Variants in RAPGEF6 observed in about 807,000 individuals in gnomAD.
RAPGEF6 encodes the protein Rap guanine nucleotide exchange factor 6.
A neutral mutation model predicts 171.4 loss-of-function variants in RAPGEF6; 56 were observed. That is an observed-to-expected ratio of 0.33 (90% CI 0.26 to 0.41). The LOEUF (loss-of-function observed/expected upper bound fraction) is 0.41, where lower values mean the gene tolerates loss of function less well. Among genes scored for constraint, RAPGEF6 ranks in the 10% least tolerant of loss-of-function variants. The pLI, the probability that RAPGEF6 is intolerant of heterozygous loss-of-function variation, is 1.00. For missense variants in RAPGEF6, 1,674 were observed against 1,921.4 expected, an observed-to-expected ratio of 0.87 and a Z score of 2.41; for synonymous variants, 692 against 650.1, an observed-to-expected ratio of 1.06 and a Z score of -0.98.
rs1241736559 is a variant in RAPGEF6, at chr5:131,453,087, G to A, written c.3167C>T (p.Ala1056Val). 3.1e-6 allele frequency: 5 copies of A among 1,613,852 alleles called. No homozygotes were observed. The highest frequency in any genetic ancestry group is 3.4e-6 in the Non-Finnish European group (4 of 1,179,962). Residue 1056 changes from alanine (A) to valine (V), a missense_variant, in exon 21 of 28, where the codon GCT (alanine) becomes GTT (valine). Physicochemically the swap from Ala to Val is moderately conservative, Grantham distance 64 (BLOSUM62 0). Coordinates refer to ENST00000509018, the MANE Select transcript of RAPGEF6 (RefSeq NM_016340.6). ...EIRQVVRMTS[A>V]NMDPAMMFRQ... ...AAACATCATAGCTGGGTCCATGTTA[G>A]CAGAAGTCATTCGAACAACTTGGCG... is the stretch of plus-strand genomic sequence containing the variant.
At chr5:131,610,705 C>G (rs941740303) in intron 1 of RAPGEF6, among the ~76,000 whole-genome samples, 2 of 152,150 alleles carry the variant, frequency 1.3e-5, no homozygotes, top group East Asian at 3.9e-4. Flanking sequence ...GTTGCAACCC[C>G]GAGATCAACC....
At position 131,537,982 on chromosome 5, in the gene RAPGEF6, A is replaced by C. The variant is rs955384205; in HGVS notation, c.495+10065T>G. On this transcript the variant is annotated intron_variant, in intron 6 of 27. Transcript: ENST00000509018. ...GAGGCATGTGCCTATAATCCCAGCT[A>C]CTCAGGAGGCTGAGGTGAGAGGATC... Among the ~76,000 whole-genome samples, 4 of 152,244 alleles carry C rather than the reference A, an allele frequency of 2.6e-5. No individual in the cohort carries two copies. The East Asian group carries it at 7.7e-4, about 29-fold the overall frequency.
At chr5:131,468,463 G>A (rs1754527013) in intron 17 of RAPGEF6, among the ~76,000 whole-genome samples, 1 of 151,292 alleles carries the variant, frequency 6.6e-6, no homozygotes, top group Non-Finnish European at 1.5e-5. Flanking sequence ...GAAGTTTCTA[G>A]AGAGCTAATT....
chr5:131,514,288 TA>T (rs1372563222), intron 7 of RAPGEF6, among the ~76,000 whole-genome samples: 2 of 152,108 alleles, frequency 1.3e-5, no homozygotes, highest in Admixed American at 6.5e-5. Context: ...ACTCCTTGAT[TA>T]AACAAAGGAA....
intron 4 of RAPGEF6, among the ~76,000 whole-genome samples, chr5:131,577,325 CA>C (rs1762665333): frequency 6.6e-6 from 1 of 152,186 alleles, no homozygotes; most frequent in Non-Finnish European, 1.5e-5. Context: ...AACACCTCAC[CA>C]AACTCAGCCT....
Position 131,602,192 on chromosome 5 carries a change from T to C in RAPGEF6, c.197+1079A>G, listed in dbSNP as rs190193992. Reference sequence around the variant, plus strand: ...AGATGATTTCATCATGCTAACATCATAGAGTGTACTTAACACAAACCTAGA... The same window carrying C: ...AGATGATTTCATCATGCTAACATCACAGAGTGTACTTAACACAAACCTAGA... On this transcript the variant is annotated intron_variant, in intron 3 of 27. Coordinates refer to ENST00000509018, the MANE Select transcript of RAPGEF6 (RefSeq NM_016340.6). Among the ~76,000 whole-genome samples the C allele has an allele frequency of 1.1e-3, 162 of 152,348 alleles. 1 individual carries two copies. Among genetic ancestry groups the C allele is most frequent in the Admixed American group, 4.6e-4 (7 of 15,306 alleles).
intron 20 of RAPGEF6, among the ~76,000 whole-genome samples, chr5:131,453,677 T>TA (rs1243579938): frequency 6.6e-6 from 1 of 152,148 alleles, no homozygotes; most frequent in Non-Finnish European, 1.5e-5. Flanking sequence ...CACTTGTCTA[T>TA]AACATAGCAT....
chr5:131,435,984 C>G, intron 24 of RAPGEF6: 1 of 1,535,722 alleles, frequency 6.5e-7, no homozygotes. Flanking sequence ...ACTTGAATCG[C>G]GTATAGAAGC....
At chr5:131,504,489 C>T (rs1757223036) in intron 11 of RAPGEF6, 137 bp downstream of exon 11, 2 of 927,300 alleles carry the variant, frequency 2.2e-6, no homozygotes, top group African/African-American at 1.7e-5. Flanking sequence ...TAGAGAAAGA[C>T]AAAGAGTCAA....
intron 4 of RAPGEF6, among the ~76,000 whole-genome samples, chr5:131,567,913 A>C (rs1177719517): frequency 6.6e-6 from 1 of 152,204 alleles, no homozygotes; most frequent in East Asian, 1.9e-4. Context: ...ATGTATTCCT[A>C]ATGTATTAAT....
chr5:131,569,903 G>A (rs1287637895), intron 4 of RAPGEF6, among the ~76,000 whole-genome samples: 4 of 151,846 alleles, frequency 2.6e-5, no homozygotes, highest in Non-Finnish European at 4.4e-5. Context: ...TTAGCCAGGC[G>A]TAGTAGTGGG....
chr5:131,632,118 T>C, intron 1 of RAPGEF6, among the ~76,000 whole-genome samples: 1 of 144,362 alleles, frequency 6.9e-6, no homozygotes, highest in African/African-American at 2.6e-5. Context: ...TCAATATCAC[T>C]CCTCTGCTTC....
intron 1 of RAPGEF6, among the ~76,000 whole-genome samples, chr5:131,633,386 C>A (rs1766435668): frequency 6.6e-6 from 1 of 151,848 alleles, no homozygotes; most frequent in South Asian, 2.1e-4. Flanking sequence ...TGTTAAAGAG[C>A]AGTAGGATTT....
At chr5:131,443,676 C>T (rs926349179) in intron 22 of RAPGEF6, among the ~76,000 whole-genome samples, 4 of 152,238 alleles carry the variant, frequency 2.6e-5, no homozygotes, top group Non-Finnish European at 5.9e-5. Context: ...GCTCCCTTGA[C>T]TTGACTTGCT....
intron 4 of RAPGEF6, among the ~76,000 whole-genome samples, chr5:131,588,341 T>C (rs774063541): frequency 1.1e-4 from 16 of 151,934 alleles, no homozygotes; most frequent in Non-Finnish European, 2.2e-4. Context: ...AGAGGAAAAA[T>C]GGGTTACTGC....
Position 131,606,034 on chromosome 5 carries a change from AAAAAAAAAAAAAAAAAAAAG to A in RAPGEF6, c.70-1361_70-1342del, listed in dbSNP as rs1294537589. On this transcript the variant is annotated intron_variant, in intron 1 of 27. Transcript: ENST00000509018. ...GACAGAGTGAGACTCCATCTCAAAA[AAAAAAAAAAAAAAAAAAAAG>A]AAAAAGAAAAGAAAAGAAAAGCATC... Among the ~76,000 whole-genome samples the A allele has an allele frequency of 5.6e-3, 717 of 128,948 alleles. 6 individuals carry two copies. Among genetic ancestry groups the A allele is most frequent in the African/African-American group, 0.019 (656 of 34,666 alleles). 84.6% of individuals were successfully genotyped at this position (128,948 alleles called of 152,430 possible). A position where few individuals can be genotyped will look rare whatever the true frequency, so the allele number is the denominator to read the frequency against.
intron 24 of RAPGEF6, among the ~76,000 whole-genome samples, chr5:131,437,630 T>A (rs1253455602): frequency 2.0e-5 from 3 of 152,206 alleles, no homozygotes; most frequent in Non-Finnish European, 4.4e-5. Context: ...CAAAATTACA[T>A]ATGAGCTACA....
chr5:131,527,558 C>T (rs1004865110), intron 6 of RAPGEF6, among the ~76,000 whole-genome samples: 1 of 151,962 alleles, frequency 6.6e-6, no homozygotes, highest in Non-Finnish European at 1.5e-5. Context: ...ATGTATATAC[C>T]TTATGACTCA....
rs563226517 is a variant in RAPGEF6 at position 131,454,008 on chromosome 5, C to CA, written c.3077-832dup. On this transcript the variant is annotated intron_variant, in intron 20 of 27. Coordinates refer to ENST00000509018, the MANE Select transcript of RAPGEF6 (RefSeq NM_016340.6). ...AGATCAGAAAAGCTGGACAAAAGTACAAAAAAATGCAGAGAAGCAAGTTTT... is the reference window on the plus strand; with the variant it reads ...AGATCAGAAAAGCTGGACAAAAGTACAAAAAAAATGCAGAGAAGCAAGTTTT... Among the ~76,000 whole-genome samples the CA allele has an allele frequency of 4.8e-4, 73 of 152,102 alleles. 3 individuals are homozygous for CA. The highest frequency in any genetic ancestry group is 3.6e-3 in the Admixed American group (55 of 15,296).
Sources: allele counts gnomAD v4.1 joint callset (sites outside exome capture counted in the v4.1 genomes callset), GRCh38; gene constraint gnomAD v4.1.1; transcripts MANE v1.5; gene names NCBI Gene and HGNC (gene_info 2026-07-23, HGNC 2026-07-21).